EPG5: variants seen among roughly 807,000 people sequenced by gnomAD.
The protein encoded by EPG5 is ectopic P-granules 5 autophagy tethering factor.
EPG5 carries 159 observed loss-of-function variants against 302.7 expected under a neutral mutation model. The observed-to-expected ratio is 0.53, with a 90% CI of 0.46 to 0.60. The LOEUF is 0.60. Among genes scored for constraint, EPG5 ranks in the 20% least tolerant of loss-of-function variants. EPG5 has a pLI of 0.00. For missense variants in EPG5, 2,896 were observed against 3,092.4 expected (o/e 0.94, Z 1.51); for synonymous variants, 1,158 against 1,136.8 (o/e 1.02, Z -0.37).
intron 10 of EPG5, among the ~76,000 whole-genome samples, chr18:45,936,142 T>C (rs187809955): frequency 4.3e-4 from 65 of 152,318 alleles, no homozygotes; most frequent in African/African-American, 1.6e-3. Context: ...TCACCCTTGG[T>C]GACTCAGACT....
At chr18:45,912,152 G>A (rs905351364) in intron 22 of EPG5, 138 bp downstream of exon 22, 9 of 701,506 alleles carry the variant, frequency 1.3e-5, no homozygotes, top group African/African-American at 1.2e-4. Context: ...GTCAAACATA[G>A]AGACAGAGAA....
the EPG5 span, among the ~76,000 whole-genome samples, chr18:45,828,201 C>G: frequency 4.8e-4 from 73 of 152,322 alleles, no homozygotes; most frequent in Non-Finnish European, 9.6e-4. Context: ...TGTGCCAACG[C>G]AGGCCCGCCA....
intron 24 of EPG5, among the ~76,000 whole-genome samples, chr18:45,905,602 G>C (rs1376544537): frequency 6.6e-6 from 1 of 152,138 alleles, no homozygotes; most frequent in Admixed American, 6.5e-5. Flanking sequence ...CTAATGAATA[G>C]AGCAACTACT....
At chr18:45,910,303 G>A (rs1369051507) in intron 23 of EPG5, among the ~76,000 whole-genome samples, 1 of 152,152 alleles carries the variant, frequency 6.6e-6, no homozygotes, top group South Asian at 2.1e-4. Context: ...TCAGACTACA[G>A]GCACTCGACA....
At chr18:45,890,047 G>C in intron 27 of EPG5, 107 bp from the exon 28 acceptor site, 1 of 923,160 alleles carries the variant, frequency 1.1e-6, no homozygotes, top group Non-Finnish European at 1.6e-6. Flanking sequence ...ACCAAAATTT[G>C]TATCTCTTTA....
intron 4 of EPG5, 30 bp from the exon 5 acceptor site, chr18:45,949,621 AT>A (rs757149544): frequency 6.7e-4 from 959 of 1,425,798 alleles, no homozygotes; most frequent in Non-Finnish European, 6.9e-4. Flanking sequence ...TGATCTCACT[AT>A]TTTTAATAAA....
In EPG5 at chr18:45,952,572, T is replaced by G. The variant is rs2050936033; in HGVS notation, c.1080A>C (p.Ala360=). The G allele has an allele frequency of 3.7e-6, 6 of 1,614,158 alleles. No individual in the cohort carries two copies. The African/African-American group carries it at 4.0e-5, about 11-fold the overall frequency. Residue 360 remains alanine, a synonymous_variant, in exon 3 of 44, where the codon GCA becomes GCC. Coordinates refer to ENST00000282041, the MANE Select transcript of EPG5 (RefSeq NM_020964.3). ...CGAATAGCTTCTTTAGCTCCACCAGTGCATTTTCATTCATTTCTACTCTTT... is the reference window on the plus strand; with the variant it reads ...CGAATAGCTTCTTTAGCTCCACCAGGGCATTTTCATTCATTTCTACTCTTT... ...RYQRVEMNEN[A]LVELKKLFDA... is the part of the protein sequence containing the mutation.
Position 45,847,649 on chromosome 18 carries a change from T to G in EPG5, c.*4818A>C, listed in dbSNP as rs985449190. ...TCTAGTTTATTTGCAGAATTTTACT[T>G]AACCAGTTGTCATTTCTTCCTGTTT... On this transcript the variant is annotated 3_prime_UTR_variant, in exon 44 of 44. Coordinates refer to ENST00000282041, the MANE Select transcript of EPG5 (RefSeq NM_020964.3). 6.6e-6 allele frequency: 1 copy of G among 152,632 alleles called. No homozygotes were observed. The highest frequency in any genetic ancestry group is 6.5e-5 in the Admixed American group (1 of 15,282). The allele number at this position is 152,632 out of a possible 1,614,324, so 9.5% of individuals were successfully genotyped here.
chr18:45,868,487 G>A (rs919743243), intron 36 of EPG5, among the ~76,000 whole-genome samples: 47 of 151,740 alleles, frequency 3.1e-4, no homozygotes, highest in African/African-American at 1.1e-3. Flanking sequence ...ACAGGTGCCT[G>A]CCACCATGCC....
At position 45,922,492 on chromosome 18, in the gene EPG5, C is replaced by T; in HGVS notation, c.2947G>A (p.Gly983Arg). ...ACAGCTGGACAATTCGGCTGTATTC[C>T]ATAATCGTTTTTGTGCAGTTTTAGC... ...LRLKLHKNDY[G>R]IQPNCPAVPF... Residue 983 changes from glycine (G) to arginine (R), a missense_variant, in exon 16 of 44, where the codon GGA becomes AGA. Transcript: ENST00000282041. 1 of 1,614,208 alleles carries T rather than the reference C, an allele frequency of 6.2e-7. No individual in the cohort carries two copies. Among genetic ancestry groups the T allele is most frequent in the Non-Finnish European group, 8.5e-7 (1 of 1,180,030 alleles).
chr18:45,895,198 G>C (rs2049443745), intron 27 of EPG5, among the ~76,000 whole-genome samples: 1 of 152,146 alleles, frequency 6.6e-6, no homozygotes, highest in African/African-American at 2.4e-5. Context: ...TCCAGCTTGG[G>C]AGACCAGCTA....
intron 4 of EPG5, among the ~76,000 whole-genome samples, chr18:45,950,053 AG>A (rs1167987197): frequency 6.6e-6 from 1 of 152,194 alleles, no homozygotes; most frequent in Non-Finnish European, 1.5e-5. Context: ...ATCTTTCCTA[AG>A]TTTTCCAAAT....
the EPG5 span, among the ~76,000 whole-genome samples, chr18:45,810,717 G>T: frequency 2.0e-5 from 3 of 152,110 alleles, no homozygotes; most frequent in South Asian, 6.2e-4. Context: ...GGAGGCGGAG[G>T]TTGCAGTGAG....
At chr18:45,867,798 A>G in intron 36 of EPG5, 50 bp from the exon 37 acceptor site, 1 of 1,459,990 alleles carries the variant, frequency 6.8e-7, no homozygotes, top group Admixed American at 2.0e-5. Flanking sequence ...CTATCTATGT[A>G]TCTGGAAAAT....
intron 34 of EPG5, among the ~76,000 whole-genome samples, chr18:45,877,251 T>C (rs1172759108): frequency 6.6e-6 from 1 of 151,458 alleles, no homozygotes; most frequent in Non-Finnish European, 1.5e-5. Context: ...ACAAAAAAAA[T>C]AAAAATTAAA....
intron 43 of EPG5, among the ~76,000 whole-genome samples, chr18:45,854,549 T>A (rs1025446300): frequency 4.6e-5 from 7 of 152,120 alleles, no homozygotes; most frequent in Non-Finnish European, 1.0e-4. Flanking sequence ...TCTTTCCTCA[T>A]CCAAAAAACC....
intron 27 of EPG5, among the ~76,000 whole-genome samples, chr18:45,896,027 G>C (rs1362811203): frequency 1.3e-5 from 2 of 152,200 alleles, no homozygotes; most frequent in East Asian, 3.8e-4. Context: ...AGCAGGTAGA[G>C]TTTCAGCTTT....
In EPG5 at chr18:45,967,166, G is replaced by C; in HGVS notation, c.63+11C>G. The C allele has an allele frequency of 6.4e-7, 1 of 1,550,556 alleles. No homozygotes were observed. Among genetic ancestry groups the C allele is most frequent in the Non-Finnish European group, 8.8e-7 (1 of 1,137,564 alleles). ...CTGCCAGAGCCTCGGGAGGGTGGGGGAGATCCTCACCTTTGTTTTAGTCCG... is the reference window on the plus strand; with the variant it reads ...CTGCCAGAGCCTCGGGAGGGTGGGGCAGATCCTCACCTTTGTTTTAGTCCG... On this transcript the variant is annotated intron_variant, in intron 1 of 43. Transcript: ENST00000282041.
the EPG5 span, among the ~76,000 whole-genome samples, chr18:45,811,686 T>C: frequency 1.3e-5 from 2 of 152,212 alleles, no homozygotes; most frequent in South Asian, 2.1e-4. Context: ...TCTCAATAGA[T>C]GCAGAAAAGG....
Sources: allele counts gnomAD v4.1 joint callset (sites outside exome capture counted in the v4.1 genomes callset), GRCh38; gene constraint gnomAD v4.1.1; transcripts MANE v1.5; gene names NCBI Gene and HGNC (gene_info 2026-07-23, HGNC 2026-07-21).